PMEPA1: variants seen among roughly 807,000 people sequenced by gnomAD.
PMEPA1 encodes the protein protein TMEPAI.
Under a neutral mutation model 23.0 loss-of-function variants are expected in PMEPA1, and 11 were observed. That is an observed-to-expected ratio of 0.48 (90% CI 0.30 to 0.79). PMEPA1 has a LOEUF of 0.79. Among genes scored for constraint, PMEPA1 ranks in the 30% least tolerant of loss-of-function variants. The probability of loss-of-function intolerance (pLI) is 0.06; values close to 1 mark genes in which losing one functional copy is unlikely to be tolerated. For missense variants in PMEPA1, 377 were observed against 390.9 expected, an observed-to-expected ratio of 0.96 and a Z score of 0.30; for synonymous variants, 204 against 166.4, an observed-to-expected ratio of 1.23 and a Z score of -1.74.
chr20:57,660,699 T>C (rs1175856850), intron 1 of PMEPA1, among the ~76,000 whole-genome samples: 1 of 129,296 alleles, frequency 7.7e-6, no homozygotes, highest in East Asian at 2.3e-4. Context: ...CCAACACTCC[T>C]ACACAAATAA....
chr20:57,678,466 C>A lies in PMEPA1; in HGVS notation c.110-18769G>T, dbSNP rs73184806. ...CTGAGGCCAGCAGCCTTAAGCGGTC[C>A]TTAGGGCCTGGCCCAGGCCTGGCAC... is the stretch of plus-strand genomic sequence containing the variant. On this transcript the variant is annotated intron_variant, in intron 1 of 3. Coordinates refer to ENST00000341744, the MANE Select transcript of PMEPA1 (RefSeq NM_020182.5). Among the ~76,000 whole-genome samples the A allele has an allele frequency of 2.5e-3, 384 of 152,360 alleles. 1 individual carries two copies. The highest frequency in any genetic ancestry group is 4.9e-3 in the Non-Finnish European group (336 of 68,038).
chr20:57,669,290 A>G (rs1057270776), intron 1 of PMEPA1, among the ~76,000 whole-genome samples: 8 of 152,034 alleles, frequency 5.3e-5, no homozygotes, highest in Non-Finnish European at 1.2e-4. Context: ...CCTCCCAAGT[A>G]GCTGGGACTA....
At position 57,655,080 on chromosome 20, in the gene PMEPA1, G is replaced by A. The variant is rs549143117; in HGVS notation, c.265-1994C>T. Among the ~76,000 whole-genome samples the A allele has an allele frequency of 2.0e-5, 3 of 152,222 alleles. No individual in the cohort carries two copies. The highest frequency in any genetic ancestry group is 2.9e-5 in the Non-Finnish European group (2 of 68,018). On this transcript the variant is annotated intron_variant, in intron 2 of 3. Coordinates refer to ENST00000341744, the MANE Select transcript of PMEPA1 (RefSeq NM_020182.5). This position sits in a 1 kb window ranked among gnomAD's most constrained non-coding sequence, Gnocchi z 4.2. The stretch of plus-strand genomic sequence containing the variant: ...CCGTAGTATAGCTGTTTCCTTTAAC[G>A]GGTTTTCCTATCTGTATAGCGGGCT...
At chr20:57,657,564 C>T (rs751529707) in intron 2 of PMEPA1, among the ~76,000 whole-genome samples, 1 of 152,238 alleles carries the variant, frequency 6.6e-6, no homozygotes, top group Non-Finnish European at 1.5e-5. Flanking sequence ...AGCAGGTCTG[C>T]AGCACGCCCT....
rs2146626546 is a variant in PMEPA1 at position 57,648,922 on chromosome 20, T to C, written c.*3131A>G. 6.6e-6 allele frequency: 1 copy of C among 152,324 alleles called. No individual in the cohort carries two copies. The highest frequency in any genetic ancestry group is 6.5e-5 in the Admixed American group (1 of 15,310). 9.4% of individuals were successfully genotyped at this position (152,324 alleles called of 1,614,324 possible). ...GCTCTCCCCCAGCCCTGATTTTTGC[T>C]ACATATGGGGTCCCTTTTCATTCTT... On this transcript the variant is annotated 3_prime_UTR_variant, in exon 4 of 4. Transcript: ENST00000341744.
At chr20:57,699,973 T>G (rs1476393453) in intron 1 of PMEPA1, 2 of 466,632 alleles carry the variant, frequency 4.3e-6, no homozygotes, top group East Asian at 1.4e-4. Flanking sequence ...AAATGTATAT[T>G]GTATATACTT....
intron 1 of PMEPA1, among the ~76,000 whole-genome samples, chr20:57,663,724 G>A (rs961861649): frequency 6.6e-5 from 10 of 152,224 alleles, no homozygotes; most frequent in Admixed American, 4.6e-4. Flanking sequence ...AGCAGAGGCC[G>A]GAACCCAGAC....
chr20:57,688,228 G>C (rs544034203), intron 1 of PMEPA1, among the ~76,000 whole-genome samples: 1 of 152,346 alleles, frequency 6.6e-6, no homozygotes, highest in South Asian at 2.1e-4. Flanking sequence ...TTTCTATTTA[G>C]CCTCATGTGA....
chr20:57,699,897 G>A (rs2071988400), intron 1 of PMEPA1: 10 of 391,946 alleles, frequency 2.6e-5, no homozygotes, highest in East Asian at 7.2e-5. Flanking sequence ...GAAGCCTCCC[G>A]GCCTCGGCGG....
chr20:57,675,152 G>A (rs897385507), intron 1 of PMEPA1, among the ~76,000 whole-genome samples: 4 of 151,264 alleles, frequency 2.6e-5, no homozygotes, highest in African/African-American at 7.3e-5. Flanking sequence ...CAATGTCACC[G>A]CCCACCCTCC....
At chr20:57,676,862 C>T (rs2071643969) in intron 1 of PMEPA1, among the ~76,000 whole-genome samples, 1 of 152,216 alleles carries the variant, frequency 6.6e-6, no homozygotes, top group Admixed American at 6.5e-5. Context: ...CTCCCTACTT[C>T]CTCTCTTGCA....
intron 1 of PMEPA1, among the ~76,000 whole-genome samples, chr20:57,706,964 C>T (rs1028700539): frequency 3.3e-5 from 5 of 152,168 alleles, no homozygotes; most frequent in African/African-American, 9.7e-5. Flanking sequence ...TCTTGAAAGA[C>T]TATAGAATTC....
intron 1 of PMEPA1, among the ~76,000 whole-genome samples, chr20:57,675,959 G>A (rs1452448877): frequency 1.3e-5 from 2 of 152,174 alleles, no homozygotes; most frequent in Non-Finnish European, 1.5e-5. Flanking sequence ...GACATCAGCC[G>A]CCTCTCCCTG....
intron 1 of PMEPA1, among the ~76,000 whole-genome samples, chr20:57,701,566 G>A (rs1301269983): frequency 6.6e-6 from 1 of 152,176 alleles, no homozygotes; most frequent in Non-Finnish European, 1.5e-5. Flanking sequence ...CTAGAAGAGA[G>A]GGCAGGTATG....
Position 57,666,711 on chromosome 20 carries a change from G to A in PMEPA1, c.110-7014C>T, listed in dbSNP as rs139365767. ...CTGTGGTACCCACCTCTGAGCCAGC[G>A]CAGAGCAAAATCCGGACGGTGAGGA... On this transcript the variant is annotated intron_variant, in intron 1 of 3. Coordinates refer to ENST00000341744, the MANE Select transcript of PMEPA1 (RefSeq NM_020182.5). Among the ~76,000 whole-genome samples the A allele has an allele frequency of 2.8e-3, 422 of 152,316 alleles. 14 individuals are homozygous for A. Among genetic ancestry groups the A allele is most frequent in the Admixed American group, 0.025 (379 of 15,298 alleles).
intron 2 of PMEPA1, among the ~76,000 whole-genome samples, chr20:57,657,266 G>A (rs938945385): frequency 6.6e-6 from 1 of 152,206 alleles, no homozygotes; most frequent in Non-Finnish European, 1.5e-5. Context: ...GGCAAGGTGA[G>A]TCCAGCCTGG....
intron 1 of PMEPA1, among the ~76,000 whole-genome samples, chr20:57,670,973 C>T (rs1032390355): frequency 6.6e-6 from 1 of 152,120 alleles, no homozygotes; most frequent in African/African-American, 2.4e-5. Flanking sequence ...GAGGATGCAG[C>T]GCGGCCGTGG....
intron 1 of PMEPA1, among the ~76,000 whole-genome samples, chr20:57,670,906 C>T (rs1442770533): frequency 2.0e-5 from 3 of 152,122 alleles, no homozygotes; most frequent in South Asian, 2.1e-4. Context: ...TCTTCCCCAC[C>T]GCCCCCCCAA....
intron 1 of PMEPA1, among the ~76,000 whole-genome samples, chr20:57,692,439 G>A (rs555671031): frequency 6.6e-6 from 1 of 152,358 alleles, no homozygotes; most frequent in East Asian, 1.9e-4. Context: ...GGCCCAGACA[G>A]GGGAGCGAAG....
Sources: allele counts gnomAD v4.1 joint callset (sites outside exome capture counted in the v4.1 genomes callset), GRCh38; gene constraint gnomAD v4.1.1; non-coding constraint Gnocchi (gnomAD v3.1); transcripts MANE v1.5; gene names NCBI Gene and HGNC (gene_info 2026-07-23, HGNC 2026-07-21).